Variants in CNTN5 observed in about 807,000 individuals in gnomAD.
CNTN5 encodes contactin 5, also known as contactin-5.
CNTN5 carries 77 observed loss-of-function variants against 129.1 expected under a neutral mutation model. The observed-to-expected ratio is 0.60, with a 90% CI of 0.50 to 0.72. The LOEUF is 0.72. Among genes scored for constraint, CNTN5 ranks in the 30% least tolerant of loss-of-function variants. The pLI is 0.00. For synonymous variants in CNTN5, 509 were observed against 465.6 expected (o/e 1.09, Z -1.20); for missense variants, 1,478 against 1,328.8 (o/e 1.11, Z -1.75).
Position 99,672,919 on chromosome 11 carries a change from T to G in CNTN5, c.55+116650T>G, listed in dbSNP as rs545245780. Among the ~76,000 whole-genome samples, 135 of 152,118 alleles carry G rather than the reference T, an allele frequency of 8.9e-4. 2 individuals are homozygous for G. In the South Asian group the frequency reaches 0.017, roughly 19 times the overall value. On this transcript the variant is annotated intron_variant, in intron 3 of 24. Transcript: ENST00000524871. ...AAGGGAAATTTAAGAGTTCCTCTTG[T>G]AGTCTTTCATAGGTACCTCATAGAT...
chr11:99,879,957 A>C (rs1194724725), intron 6 of CNTN5, among the ~76,000 whole-genome samples: 1 of 152,200 alleles, frequency 6.6e-6, no homozygotes, highest in Non-Finnish European at 1.5e-5. Context: ...CCTTAAGGAC[A>C]AAAATGTCAA....
chr11:99,675,533 A>C (rs765903756), intron 3 of CNTN5, among the ~76,000 whole-genome samples: 12 of 152,018 alleles, frequency 7.9e-5, no homozygotes, highest in Non-Finnish European at 1.6e-4. Flanking sequence ...AATATAAAAG[A>C]TATTAGCTGG....
Position 99,056,987 on chromosome 11 carries a change from T to C in CNTN5, c.-210+35717T>C, listed in dbSNP as rs552535908. Among the ~76,000 whole-genome samples, 45 of 152,136 alleles carry C rather than the reference T, an allele frequency of 3.0e-4. 1 individual carries two copies. The South Asian group carries it at 8.9e-3, about 30-fold the overall frequency. ...CACCACTTTTCTCTTTGTTCTCAAC[T>C]CACCTGGAATACAAGGTAAATTATG... On this transcript the variant is annotated intron_variant, in intron 1 of 24. Transcript: ENST00000524871.
At chr11:99,118,124 T>C (rs1041851623) in intron 1 of CNTN5, among the ~76,000 whole-genome samples, 8 of 152,126 alleles carry the variant, frequency 5.3e-5, no homozygotes, top group Admixed American at 2.0e-4. Flanking sequence ...TTGTGGGTCA[T>C]AGAGTAGATA....
intron 1 of CNTN5, among the ~76,000 whole-genome samples, chr11:99,079,794 G>A (rs913467295): frequency 1.3e-5 from 2 of 152,116 alleles, no homozygotes; most frequent in Admixed American, 1.3e-4. Context: ...CCGTCAACCT[G>A]GTGAACTCCA....
At chr11:100,271,386 T>TAAAG in intron 18 of CNTN5, 145 bp downstream of exon 18, 1 of 496,814 alleles carries the variant, frequency 2.0e-6, no homozygotes, top group Non-Finnish European at 3.3e-6. Context: ...TTATTTTCTT[T>TAAAG]AAAATAATTA....
intron 1 of CNTN5, among the ~76,000 whole-genome samples, chr11:99,186,428 T>A (rs1858355216): frequency 6.6e-6 from 1 of 151,992 alleles, no homozygotes; most frequent in South Asian, 2.1e-4. Context: ...GGTTGCATTT[T>A]AAAAATACTG....
chr11:99,771,951 T>G (rs909286600), intron 3 of CNTN5, among the ~76,000 whole-genome samples: 6 of 151,642 alleles, frequency 4.0e-5, no homozygotes, highest in African/African-American at 1.2e-4. Flanking sequence ...TACCCATGAG[T>G]GTCTGGGAGA....
In CNTN5 at chr11:99,456,360, A is replaced by C. The variant is rs541309220; in HGVS notation, c.-70-99785A>C. On this transcript the variant is annotated intron_variant, in intron 2 of 24. Transcript: ENST00000524871. Reference sequence around the variant, plus strand: ...AAATTGAGGAAAAATATATATTGCTAATCCATTACCTTTGGATATCATTTC... The same window carrying C: ...AAATTGAGGAAAAATATATATTGCTCATCCATTACCTTTGGATATCATTTC... 1.9e-4 allele frequency among the ~76,000 whole-genome samples: 29 copies of C among 152,248 alleles called. No individual in the cohort carries two copies. The South Asian group carries it at 6.0e-3, about 32-fold the overall frequency.
chr11:99,622,651 A>C (rs1950989133), intron 3 of CNTN5, among the ~76,000 whole-genome samples: 1 of 152,104 alleles, frequency 6.6e-6, no homozygotes, highest in Admixed American at 6.6e-5. Context: ...AGCTTTTAGT[A>C]GAATGCTAAT....
chr11:99,759,247 G>A (rs545674323), intron 3 of CNTN5, among the ~76,000 whole-genome samples: 3 of 152,102 alleles, frequency 2.0e-5, no homozygotes, highest in African/African-American at 4.8e-5. Flanking sequence ...TGTTATGGCC[G>A]AGCATAAGTC....
chr11:100,337,161 T>C (rs1952054469), intron 21 of CNTN5: 3 of 1,445,226 alleles, frequency 2.1e-6, no homozygotes, highest in African/African-American at 2.8e-5. Context: ...CACCCATGAA[T>C]GTTCACCAGT....
chr11:100,207,987 T>C (rs898440027), intron 15 of CNTN5, among the ~76,000 whole-genome samples: 1 of 152,208 alleles, frequency 6.6e-6, no homozygotes, highest in Non-Finnish European at 1.5e-5. Flanking sequence ...ACATTTAGTC[T>C]CATACCAAAA....
At chr11:100,196,756 G>A (rs1293381658) in intron 15 of CNTN5, among the ~76,000 whole-genome samples, 1 of 151,966 alleles carries the variant, frequency 6.6e-6, no homozygotes, top group East Asian at 1.9e-4. Flanking sequence ...CTGTTGAAAG[G>A]GGAGAAGCAA....
chr11:99,304,840 T>C (rs1864801835), intron 1 of CNTN5, among the ~76,000 whole-genome samples: 1 of 152,184 alleles, frequency 6.6e-6, no homozygotes, highest in South Asian at 2.1e-4. Flanking sequence ...ACAGAAAGAA[T>C]TGAGAAATCA....
chr11:99,833,233 G>A (rs1192786547), intron 4 of CNTN5, among the ~76,000 whole-genome samples: 1 of 152,154 alleles, frequency 6.6e-6, no homozygotes, highest in Non-Finnish European at 1.5e-5. Context: ...TTCAGAAGGA[G>A]CTAGAGAGGA....
At chr11:99,439,824 C>T (rs1469166915) in intron 2 of CNTN5, among the ~76,000 whole-genome samples, 2 of 151,302 alleles carry the variant, frequency 1.3e-5, no homozygotes, top group Non-Finnish European at 2.9e-5. Context: ...CGCTGTCCAA[C>T]AATTAAGATT....
chr11:100,154,265 G>T (rs181709469), intron 13 of CNTN5, among the ~76,000 whole-genome samples: 2 of 152,048 alleles, frequency 1.3e-5, no homozygotes, highest in African/African-American at 4.8e-5. Context: ...CCATGTCCCT[G>T]CAAAGGACAT....
chr11:99,784,957 A>T (rs151287493), intron 3 of CNTN5, among the ~76,000 whole-genome samples: 145 of 151,500 alleles, frequency 9.6e-4, no homozygotes, highest in African/African-American at 3.5e-3. Flanking sequence ...CTACCATCAC[A>T]CCTGGCTAAT....
Sources: gnomAD v4.1 joint callset for allele counts (sites outside exome capture counted in the v4.1 genomes callset) on GRCh38, gnomAD v4.1.1 for gene constraint, MANE v1.5 for transcripts, NCBI Gene and HGNC (gene_info 2026-07-23, HGNC 2026-07-21) for gene names.